Variants in CRISPLD2 observed in about 807,000 individuals in gnomAD.
CRISPLD2 encodes cysteine rich secretory protein LCCL domain containing 2.
Under a neutral mutation model 71.1 loss-of-function variants are expected in CRISPLD2, and 47 were observed. The ratio of observed to expected loss-of-function variants is 0.66; its 90% CI spans 0.52 to 0.84. The LOEUF is 0.84. CRISPLD2 is among the 40% of genes least tolerant of loss of function. The pLI is 0.00. For missense variants in CRISPLD2, 830 were observed against 651.1 expected, an observed-to-expected ratio of 1.27 and a Z score of -2.99; for synonymous variants, 317 against 250.1, an observed-to-expected ratio of 1.27 and a Z score of -2.52.
At chr16:84,822,920 A>C (rs930763340) in intron 1 of CRISPLD2, among the ~76,000 whole-genome samples, 3 of 152,244 alleles carry the variant, frequency 2.0e-5, no homozygotes, top group Non-Finnish European at 4.4e-5. Flanking sequence ...TGTACAATTC[A>C]GTGGCGTTTA....
chr16:84,862,609 G>A (rs1917414851), intron 6 of CRISPLD2, among the ~76,000 whole-genome samples: 2 of 150,120 alleles, frequency 1.3e-5, no homozygotes, highest in Admixed American at 6.6e-5. Context: ...CAGGCTTTCA[G>A]AAGTTATGTC....
At chr16:84,872,300 TTG>T in intron 8 of CRISPLD2, 140 bp from the exon 9 acceptor site, 2 of 737,946 alleles carry the variant, frequency 2.7e-6, no homozygotes, top group South Asian at 3.1e-5. Flanking sequence ...AAAGTCTGAC[TTG>T]TCCAAAAACA....
chr16:84,864,257 C>T (rs1917475025), intron 6 of CRISPLD2, among the ~76,000 whole-genome samples: 1 of 152,192 alleles, frequency 6.6e-6, no homozygotes, highest in South Asian at 2.1e-4. Context: ...GTACTCGGAT[C>T]CAGCCCATCC....
At chr16:84,879,072 G>A (rs958402199) in intron 12 of CRISPLD2, among the ~76,000 whole-genome samples, 8 of 152,162 alleles carry the variant, frequency 5.3e-5, no homozygotes, top group African/African-American at 1.9e-4. Context: ...GAGGGTGACT[G>A]GTTGGGAGGG....
chr16:84,871,000 A>G (rs2071463825), intron 8 of CRISPLD2, among the ~76,000 whole-genome samples: 1 of 152,062 alleles, frequency 6.6e-6, no homozygotes, highest in Non-Finnish European at 1.5e-5. Context: ...GGAGGCTGCA[A>G]TGAGCCGAGG....
rs185026005 is a variant in CRISPLD2, at chr16:84,874,457, A to G, written c.1156+494A>G. On this transcript the variant is annotated intron_variant, in intron 11 of 14. Coordinates refer to ENST00000262424, the MANE Select transcript of CRISPLD2 (RefSeq NM_031476.4). The stretch of plus-strand genomic sequence containing the variant: ...TTTTTACATTGCTTAGTGTATGTTC[A>G]TTTGGAAGGTGGGATGCACGATGGG... 3.3e-5 allele frequency among the ~76,000 whole-genome samples: 5 copies of G among 152,270 alleles called. No homozygotes were observed. In the East Asian group the frequency reaches 9.7e-4, roughly 29 times the overall value.
chr16:84,840,293 T>C (rs1916735925), intron 2 of CRISPLD2, among the ~76,000 whole-genome samples: 1 of 152,236 alleles, frequency 6.6e-6, no homozygotes, highest in African/African-American at 2.4e-5. Flanking sequence ...ACGTGAATTG[T>C]GTCCTCTTTA....
At chr16:84,901,313 C>A (rs909961449) in intron 14 of CRISPLD2, among the ~76,000 whole-genome samples, 3 of 152,128 alleles carry the variant, frequency 2.0e-5, no homozygotes, top group African/African-American at 7.2e-5. Flanking sequence ...AAGATCTAAA[C>A]ATCTCTCCTC....
At chr16:84,824,370 C>T (rs746978610) in intron 1 of CRISPLD2, among the ~76,000 whole-genome samples, 36 of 152,192 alleles carry the variant, frequency 2.4e-4, no homozygotes, top group Non-Finnish European at 4.4e-4. Context: ...ACAGCTCACT[C>T]TAGAATGAAC....
intron 14 of CRISPLD2, among the ~76,000 whole-genome samples, chr16:84,900,822 C>T (rs1482645837): frequency 1.3e-5 from 2 of 152,088 alleles, no homozygotes; most frequent in African/African-American, 2.4e-5. Context: ...GAGGCTGAGA[C>T]GGAAGGATTG....
chr16:84,836,648 C>A (rs1408753912), intron 1 of CRISPLD2, among the ~76,000 whole-genome samples: 1 of 152,142 alleles, frequency 6.6e-6, no homozygotes, highest in African/African-American at 2.4e-5. Flanking sequence ...GCCTCTGTCG[C>A]CTGTTGCCAA....
intron 12 of CRISPLD2, among the ~76,000 whole-genome samples, chr16:84,880,011 T>C (rs1451064379): frequency 2.6e-5 from 4 of 152,180 alleles, no homozygotes; most frequent in African/African-American, 4.8e-5. Flanking sequence ...TGACACACAG[T>C]GATCTAACCC....
chr16:84,872,390 G>A, intron 8 of CRISPLD2, 52 bp from the exon 9 acceptor site: 1 of 1,393,178 alleles, frequency 7.2e-7, no homozygotes, highest in Non-Finnish European at 1.0e-6. Context: ...CTCATTGTGA[G>A]ATGTAATCAA....
intron 1 of CRISPLD2, among the ~76,000 whole-genome samples, chr16:84,825,444 C>A (rs1326631744): frequency 6.6e-6 from 1 of 152,074 alleles, no homozygotes; most frequent in African/African-American, 2.4e-5. Context: ...GTGTCTTGTC[C>A]TCTCCATGTT....
At chr16:84,871,218 A>T (rs1475602262) in intron 8 of CRISPLD2, among the ~76,000 whole-genome samples, 1 of 152,136 alleles carries the variant, frequency 6.6e-6, no homozygotes, top group Non-Finnish European at 1.5e-5. Flanking sequence ...AGTGATTTAC[A>T]CTTCCATGAA....
Position 84,902,772 on chromosome 16 carries a change from C to CTTTTTTTTTTT in CRISPLD2, c.1440-3807_1440-3797dup, listed in dbSNP as rs757030374. On this transcript the variant is annotated intron_variant, in intron 14 of 14. Transcript: ENST00000262424. Reference sequence around the variant, plus strand: ...TATTTTTTGGAAAATCGGCCCATTGCTTTTTTTTTTTTTTTTTTTGAGACA... The same window carrying CTTTTTTTTTTT: ...TATTTTTTGGAAAATCGGCCCATTGCTTTTTTTTTTTTTTTTTTTTTTTTTTTTTTGAGACA... Among the ~76,000 whole-genome samples, 6 of 85,958 alleles carry CTTTTTTTTTTT rather than the reference C, an allele frequency of 7.0e-5. 1 individual carries two copies. Among genetic ancestry groups the CTTTTTTTTTTT allele is most frequent in the African/African-American group, 2.1e-4 (4 of 19,256 alleles). The allele number at this position is 85,958 out of a possible 152,430, so 56.4% of individuals were successfully genotyped here.
chr16:84,863,513 A>G (rs1026421711), intron 6 of CRISPLD2, among the ~76,000 whole-genome samples: 3 of 152,220 alleles, frequency 2.0e-5, no homozygotes, highest in Non-Finnish European at 4.4e-5. Flanking sequence ...CTGTGTGGTG[A>G]TAGAAGGCGC....
intron 14 of CRISPLD2, among the ~76,000 whole-genome samples, chr16:84,889,789 T>TGC (rs1205427868): frequency 1.7e-4 from 25 of 150,568 alleles, no homozygotes; most frequent in African/African-American, 4.9e-4. Context: ...TGTGTGTGTG[T>TGC]GCATTTTTTT....
At chr16:84,862,239 G>T (rs1485199788) in intron 6 of CRISPLD2, among the ~76,000 whole-genome samples, 1 of 152,040 alleles carries the variant, frequency 6.6e-6, no homozygotes. Flanking sequence ...GCCTCCCTTT[G>T]TTGCCCAGGC....
Sources: gnomAD v4.1 joint callset for allele counts (sites outside exome capture counted in the v4.1 genomes callset) on GRCh38, gnomAD v4.1.1 for gene constraint, MANE v1.5 for transcripts, NCBI Gene and HGNC (gene_info 2026-07-23, HGNC 2026-07-21) for gene names.